Variants in SPRR4 observed in about 807,000 individuals in gnomAD.
SPRR4 encodes small proline-rich protein 4.
For synonymous variants in SPRR4, 30 were observed against 34.3 expected, an observed-to-expected ratio of 0.87 and a Z score of 0.44; for missense variants, 106 against 91.6, an observed-to-expected ratio of 1.16 and a Z score of -0.64.
chr1:152,969,416 T>C (rs541521591), upstream of SPRR4, among the ~76,000 whole-genome samples: 3 of 152,360 alleles, frequency 2.0e-5, no homozygotes, highest in South Asian at 4.1e-4. Flanking sequence ...AAAAATGCTT[T>C]GGAAAGTACA....
Position 152,971,923 on chromosome 1 carries a change from G to T in SPRR4, c.33G>T (p.Gln11His), listed in dbSNP as rs1430056008. 12 of 1,614,062 alleles carry T rather than the reference G, an allele frequency of 7.4e-6. No homozygotes were observed. Among genetic ancestry groups the T allele is most frequent in the African/African-American group, 1.3e-5 (1 of 75,010 alleles). Reference sequence around the variant, plus strand: ...CCCAGCAGCAGCAGCGGCAGCAGCAGCAGTGCCCACCCCAGAGGGCCCAGC... The same window carrying T: ...CCCAGCAGCAGCAGCGGCAGCAGCATCAGTGCCCACCCCAGAGGGCCCAGC... MSSQQQQRQQQQCPPQRAQQQ... is the reference protein window; with the variant it reads MSSQQQQRQQHQCPPQRAQQQ... The change falls in exon 2 of 2, where the codon CAG becomes CAT. Residue 11 changes from glutamine to histidine, a missense_variant. Physicochemically the swap from Gln to His is conservative, Grantham distance 24. Coordinates refer to ENST00000328051, the MANE Select transcript of SPRR4 (RefSeq NM_173080.3).
In SPRR4 at chr1:152,972,401, G is replaced by A; in HGVS notation, c.*271G>A. ...CAGGCTCCAGCGTGGCCACAGCTAA[G>A]GCCCATCCATTTCCCAAAGTGAGGA... On this transcript the variant is annotated 3_prime_UTR_variant, in exon 2 of 2. Transcript: ENST00000328051. 2.0e-6 allele frequency: 1 copy of A among 497,286 alleles called. No individual in the cohort carries two copies. The highest frequency in any genetic ancestry group is 3.8e-5 in the East Asian group (1 of 26,296). 30.8% of individuals were successfully genotyped at this position (497,286 alleles called of 1,614,324 possible). A position where few individuals can be genotyped will look rare whatever the true frequency, so the allele number is the denominator to read the frequency against.
At chr1:152,971,755 G>A (rs1434782226) in intron 1 of SPRR4, 116 bp from the exon 2 acceptor site, 19 of 1,339,734 alleles carry the variant, frequency 1.4e-5, no homozygotes, top group Admixed American at 2.2e-5. Flanking sequence ...AGCTAAGATG[G>A]CATGCTTTGA....
In SPRR4 at chr1:152,972,299, A is replaced by C; in HGVS notation, c.*169A>C. On this transcript the variant is annotated 3_prime_UTR_variant, in exon 2 of 2. Transcript: ENST00000328051. ...ATTTCTTCCCATCGTACCCTTCCCC[A>C]CACATACCACCTTGGCTTCTTCTAT... 1.8e-6 allele frequency: 2 copies of C among 1,120,668 alleles called. No individual in the cohort carries two copies. Among genetic ancestry groups the C allele is most frequent in the Non-Finnish European group, 2.5e-6 (2 of 793,144 alleles). The allele number at this position is 1,120,668 out of a possible 1,614,324, so 69.4% of individuals were successfully genotyped here.
upstream of SPRR4, among the ~76,000 whole-genome samples, chr1:152,970,224 G>T (rs1651791934): frequency 6.6e-6 from 1 of 152,198 alleles, no homozygotes. Context: ...GATGGTCCTG[G>T]TGCTAGCCTC....
chr1:152,972,227 TC>T lies in SPRR4; in HGVS notation c.*99del. On this transcript the variant is annotated 3_prime_UTR_variant, in exon 2 of 2. Coordinates refer to ENST00000328051, the MANE Select transcript of SPRR4 (RefSeq NM_173080.3). Reference sequence around the variant, plus strand: ...TTCCCTCCAGCTCTTGAGCCTACCCTCCTCTCACATCTCCTCCTGCCCAAGA... The same window carrying T: ...TTCCCTCCAGCTCTTGAGCCTACCCTCTCTCACATCTCCTCCTGCCCAAGA... 1 of 1,520,320 alleles carries T rather than the reference TC, an allele frequency of 6.6e-7. No individual in the cohort carries two copies. Among genetic ancestry groups the T allele is most frequent in the Non-Finnish European group, 8.9e-7 (1 of 1,125,100 alleles). The allele number at this position is 1,520,320 out of a possible 1,614,324, so 94.2% of individuals were successfully genotyped here. A position where few individuals can be genotyped will look rare whatever the true frequency, so the allele number is the denominator to read the frequency against.
upstream of SPRR4, among the ~76,000 whole-genome samples, chr1:152,970,386 T>C (rs994966520): frequency 6.6e-6 from 1 of 152,226 alleles, no homozygotes; most frequent in African/African-American, 2.4e-5. Flanking sequence ...CTTCAATTTG[T>C]ACTATATTTA....
At chr1:152,968,883 T>C (rs948189518), upstream of SPRR4, among the ~76,000 whole-genome samples, 3 of 152,192 alleles carry the variant, frequency 2.0e-5, no homozygotes, top group African/African-American at 7.2e-5. Context: ...TGAAAAGCCT[T>C]GGTCTATGTC....
chr1:152,970,034 G>A (rs1178973465), upstream of SPRR4, among the ~76,000 whole-genome samples: 1 of 152,216 alleles, frequency 6.6e-6, no homozygotes, highest in Non-Finnish European at 1.5e-5. Context: ...CTTGCACTGT[G>A]TATTGAGGAA....
upstream of SPRR4, among the ~76,000 whole-genome samples, chr1:152,968,915 G>A (rs883809): frequency 0.027 from 4,077 of 152,294 alleles, 152 homozygotes; most frequent in African/African-American, 0.092. Context: ...GTCTTGCTGC[G>A]TAGTTTCCTT....
upstream of SPRR4, among the ~76,000 whole-genome samples, chr1:152,969,422 G>A (rs968674771): frequency 2.6e-5 from 4 of 152,238 alleles, no homozygotes; most frequent in Non-Finnish European, 5.9e-5. Context: ...GCTTTGGAAA[G>A]TACATTAAGG....
rs201467894 is a variant in SPRR4, at chr1:152,971,859, G to A, written c.-20-12G>A. 13 of 1,611,826 alleles carry A rather than the reference G, an allele frequency of 8.1e-6. No homozygotes were observed. The highest frequency in any genetic ancestry group is 4.5e-5 in the East Asian group (2 of 44,808). On this transcript the variant is annotated splice_polypyrimidine_tract_variant and intron_variant, in intron 1 of 1. Transcript: ENST00000328051. ...CACCCTTCTCATGGTGTCCCTGCCC[G>A]GTTTCCTTTAGGCTCACCTGTTCCT... is the stretch of plus-strand genomic sequence containing the variant.
At position 152,971,913 on chromosome 1, in the gene SPRR4, G is replaced by GCAGCAGCA; in HGVS notation, c.23_24insCAGCAGCA (p.Gln9SerfsTer18). The GCAGCAGCA allele has an allele frequency of 1.9e-6, 3 of 1,613,710 alleles. No individual in the cohort carries two copies. In the African/African-American group the frequency reaches 4.0e-5, roughly 22 times the overall value. On this transcript the variant is annotated frameshift_variant, in exon 2 of 2. Coordinates refer to ENST00000328051, the MANE Select transcript of SPRR4 (RefSeq NM_173080.3). LOFTEE classifies it low-confidence loss of function (END_TRUNC). ...GCAATGTCTTCCCAGCAGCAGCAGC[G>GCAGCAGCA]GCAGCAGCAGCAGTGCCCACCCCAG...
chr1:152,970,607 G>T (rs1651811228), upstream of SPRR4: 1 of 152,238 alleles, frequency 6.6e-6, no homozygotes, highest in Admixed American at 6.5e-5. Flanking sequence ...CCCAGGGCAG[G>T]TTGGGGGCCC....
At chr1:152,969,634 A>C (rs1426874293), upstream of SPRR4, among the ~76,000 whole-genome samples, 1 of 152,166 alleles carries the variant, frequency 6.6e-6, no homozygotes, top group Admixed American at 6.5e-5. Context: ...CCTTCCTGCC[A>C]CCTAGATAAG....
Position 152,972,114 on chromosome 1 carries a change from A to G in SPRR4, c.224A>G (p.Lys75Arg). 6.2e-7 allele frequency: 1 copy of G among 1,614,008 alleles called. No individual in the cohort carries two copies. The highest frequency in any genetic ancestry group is 1.3e-5 in the African/African-American group (1 of 75,006). ...QKCPSAQQAS[K>R]SKQK ...TGTCCCTCAGCCCAGCAAGCCTCCA[A>G]GAGCAAACAGAAGTAAGGATGGACT... Residue 75 changes from lysine (K) to arginine (R), a missense_variant, in exon 2 of 2, where the codon AAG becomes AGG. By Grantham distance (26) the Lys-to-Arg change is conservative (BLOSUM62 2). Coordinates refer to ENST00000328051, the MANE Select transcript of SPRR4 (RefSeq NM_173080.3).
chr1:152,971,926 G>A lies in SPRR4; in HGVS notation c.36G>A (p.Gln12=), dbSNP rs1404525393. 2 of 1,613,950 alleles carry A rather than the reference G, an allele frequency of 1.2e-6. No individual in the cohort carries two copies. Among genetic ancestry groups the A allele is most frequent in the East Asian group, 2.2e-5 (1 of 44,882 alleles). ...SSQQQQRQQQ[Q]CPPQRAQQQQ... is the part of the protein sequence containing the mutation. ...AGCAGCAGCAGCGGCAGCAGCAGCA[G>A]TGCCCACCCCAGAGGGCCCAGCAGC... Residue 12 remains glutamine, a synonymous_variant, in exon 2 of 2, where the codon CAG becomes CAA. Coordinates refer to ENST00000328051, the MANE Select transcript of SPRR4 (RefSeq NM_173080.3).
chr1:152,968,852 G>A (rs969582763), upstream of SPRR4, among the ~76,000 whole-genome samples: 52 of 152,354 alleles, frequency 3.4e-4, no homozygotes, highest in African/African-American at 1.2e-3. Context: ...ACATACCAGT[G>A]CCTTCAAGGC....
Position 152,972,418 on chromosome 1 carries a change from A to C in SPRR4, c.*288A>C. 2 of 421,472 alleles carry C rather than the reference A, an allele frequency of 4.7e-6. No individual in the cohort carries two copies. Among genetic ancestry groups the C allele is most frequent in the Non-Finnish European group, 9.0e-6 (2 of 222,638 alleles). 26.1% of individuals were successfully genotyped at this position (421,472 alleles called of 1,614,324 possible). A position where few individuals can be genotyped will look rare whatever the true frequency, so the allele number is the denominator to read the frequency against. On this transcript the variant is annotated 3_prime_UTR_variant, in exon 2 of 2. Transcript: ENST00000328051. ...ACAGCTAAGGCCCATCCATTTCCCA[A>C]AGTGAGGAAAGTGTCTGGGCTTCTT...
Sources: gnomAD v4.1 joint callset for allele counts (sites outside exome capture counted in the v4.1 genomes callset) on GRCh38, gnomAD v4.1.1 for gene constraint, MANE v1.5 for transcripts, NCBI Gene and HGNC (gene_info 2026-07-23, HGNC 2026-07-21) for gene names.